CYFIP2: variants seen among roughly 807,000 people sequenced by gnomAD.
CYFIP2 encodes the protein cytoplasmic FMR1-interacting protein 2.
Under a neutral mutation model 158.7 loss-of-function variants are expected in CYFIP2, and 29 were observed. The observed-to-expected ratio is 0.18, with a 90% CI of 0.14 to 0.25. CYFIP2 has a LOEUF of 0.25. CYFIP2 is among the 10% of genes least tolerant of loss of function. The pLI is 1.00. For missense variants in CYFIP2, 852 were observed against 1,639.5 expected (o/e 0.52, Z 8.29); for synonymous variants, 585 against 617.6 (o/e 0.95, Z 0.78).
At chr5:157,288,429 C>G (rs1277336836) in intron 3 of CYFIP2, among the ~76,000 whole-genome samples, 2 of 152,194 alleles carry the variant, frequency 1.3e-5, no homozygotes, top group African/African-American at 4.8e-5. Context: ...TGGTTATCTC[C>G]CGTAACCTTG....
rs764000812 is a variant in CYFIP2 at position 157,341,127 on chromosome 5, C to T, written c.2643C>T (p.Asn881=). ...AACCACAACGAGACAAACCTGCCAA[C>T]GTCCAGCCTTATTACCTCTATGGAT... ...TQEPQRDKPA[N]VQPYYLYGSK... is the part of the protein sequence containing the mutation. Residue 881 remains asparagine (N), a synonymous_variant, in exon 23 of 31, where the codon AAC becomes AAT. Transcript: ENST00000620254. The T allele has an allele frequency of 1.2e-5, 19 of 1,613,988 alleles. No individual in the cohort carries two copies. The highest frequency in any genetic ancestry group is 1.3e-5 in the Non-Finnish European group (15 of 1,179,870).
chr5:157,323,816 G>A, intron 15 of CYFIP2, 105 bp from the exon 16 acceptor site: 1 of 1,269,528 alleles, frequency 7.9e-7, no homozygotes. Flanking sequence ...TTTAAGAGCA[G>A]ACATCTGCAG....
rs1384346014 is a variant in CYFIP2 at position 157,361,745 on chromosome 5, A to C, written c.3039+147A>C. 1 of 1,062,886 alleles carries C rather than the reference A, an allele frequency of 9.4e-7. No homozygotes were observed. The highest frequency in any genetic ancestry group is 1.3e-6 in the Non-Finnish European group (1 of 752,230). 65.8% of individuals were successfully genotyped at this position (1,062,886 alleles called of 1,614,324 possible). The stretch of plus-strand genomic sequence containing the variant: ...TCAGTTCATTTCCAGACAGACATGG[A>C]TTCTAGTCCTGGCTCCCCCATTCAC... On this transcript the variant is annotated intron_variant, in intron 26 of 30. Coordinates refer to ENST00000620254, the MANE Select transcript of CYFIP2 (RefSeq NM_001037333.3). The surrounding 1 kb of genome is among the most constrained non-coding windows in gnomAD (Gnocchi z 4.4).
intron 21 of CYFIP2, among the ~76,000 whole-genome samples, chr5:157,338,580 A>G (rs1378568650): frequency 1.3e-5 from 2 of 152,372 alleles, no homozygotes; most frequent in East Asian, 3.9e-4. Context: ...GACACATATA[A>G]AACTGGCACA....
intron 18 of CYFIP2, among the ~76,000 whole-genome samples, chr5:157,326,675 C>T (rs374525720): frequency 1.4e-4 from 21 of 152,212 alleles, no homozygotes; most frequent in African/African-American, 5.1e-4. Context: ...GAGGCTTGAG[C>T]CGCCTGTAGA....
At position 157,330,827 on chromosome 5, in the gene CYFIP2, C is replaced by G; in HGVS notation, c.2242C>G (p.Leu748Val). 6.2e-7 allele frequency: 1 copy of G among 1,613,952 alleles called. No individual in the cohort carries two copies. Among genetic ancestry groups the G allele is most frequent in the Middle Eastern group, 1.6e-4 (1 of 6,062 alleles). Residue 748 changes from leucine to valine, a missense_variant, in exon 20 of 31, where the codon CTG (leucine) becomes GTG (valine). Around this residue, in one of 8 missense-constraint regions of CYFIP2, gnomAD observed 191 missense variants for 311.2 expected, o/e 0.61. Transcript: ENST00000620254. ...PYPPSNRYET[L>V]LKQRHVQLLG... The stretch of plus-strand genomic sequence containing the variant: ...TCCACCGTCCAATCGCTATGAAACA[C>G]TGCTGAAGCAGAGACACGTCCAGGT...
chr5:157,339,295 T>TG (rs1561743285), intron 22 of CYFIP2, 39 bp downstream of exon 22: 1 of 1,505,262 alleles, frequency 6.6e-7, no homozygotes, highest in Non-Finnish European at 9.2e-7. Flanking sequence ...GGGTGGGGGT[T>TG]GGGGGAGTGG....
rs1183381452 is a variant in CYFIP2, at chr5:157,392,925, G to A, written c.3687G>A (p.Glu1229=). The A allele has an allele frequency of 6.2e-7, 1 of 1,613,986 alleles. No homozygotes were observed. Among genetic ancestry groups the A allele is most frequent in the Non-Finnish European group, 8.5e-7 (1 of 1,179,900 alleles). Residue 1229 remains glutamate (E), a synonymous_variant, in exon 31 of 31, where the codon GAG becomes GAA. Transcript: ENST00000620254. ...TGAACAAATACATGAAGTCCGTGGAGACAGACAGTTCCACTGTGGAGCATG... is the reference window on the plus strand; with the variant it reads ...TGAACAAATACATGAAGTCCGTGGAAACAGACAGTTCCACTGTGGAGCATG... ...AILNKYMKSV[E]TDSSTVEHVR...
At chr5:157,372,533 G>T (rs1413379337) in intron 26 of CYFIP2, among the ~76,000 whole-genome samples, 1 of 152,156 alleles carries the variant, frequency 6.6e-6, no homozygotes, top group Non-Finnish European at 1.5e-5. Context: ...AACCAGACAA[G>T]GTTGTGACAT....
chr5:157,296,612 A>C (rs564759569), intron 4 of CYFIP2, 61 bp from the exon 5 acceptor site: 2 of 1,510,360 alleles, frequency 1.3e-6, no homozygotes, highest in South Asian at 2.3e-5. Flanking sequence ...AACAAAACAA[A>C]AAACAGTAAT....
intron 26 of CYFIP2, 113 bp from the exon 27 acceptor site, chr5:157,382,473 AGAGC>A (rs1449589050): frequency 4.9e-6 from 5 of 1,018,538 alleles, no homozygotes; most frequent in Non-Finnish European, 7.4e-6. Context: ...AGTGAGTAGA[AGAGC>A]CAGGATTTGA....
At chr5:157,371,928 A>G (rs1290981103) in intron 26 of CYFIP2, among the ~76,000 whole-genome samples, 2 of 20,048 alleles carry the variant, frequency 1.0e-4, no homozygotes, top group Non-Finnish European at 2.9e-4. Context: ...GTTATCATAT[A>G]GTGGGAATAA....
intron 26 of CYFIP2, among the ~76,000 whole-genome samples, chr5:157,378,916 ATAACT>A (rs1265786906): frequency 6.6e-6 from 1 of 152,234 alleles, no homozygotes; most frequent in East Asian, 1.9e-4. Flanking sequence ...ATTGCACATT[ATAACT>A]TAATTCCATT....
At chr5:157,390,822 G>C (rs1345157410) in intron 30 of CYFIP2, among the ~76,000 whole-genome samples, 154 bp downstream of exon 30, 1 of 152,154 alleles carries the variant, frequency 6.6e-6, no homozygotes, top group Non-Finnish European at 1.5e-5. Flanking sequence ...CTTAGAGGAA[G>C]TCGTGAGGTC....
intron 28 of CYFIP2, among the ~76,000 whole-genome samples, chr5:157,387,729 G>A (rs1766839633): frequency 6.6e-6 from 1 of 151,218 alleles, no homozygotes; most frequent in South Asian, 2.1e-4. Flanking sequence ...GGCAATCTGA[G>A]CAGTTCCCTC....
At position 157,394,469 on chromosome 5, in the gene CYFIP2, A is replaced by C. The variant is rs1478754146; in HGVS notation, c.*1469A>C. ...CCACAGCAAGAGGTTTGTGTGATGC[A>C]CTTATGTCCTCCGGTGAGGAAAGGG... is the stretch of plus-strand genomic sequence containing the variant. On this transcript the variant is annotated 3_prime_UTR_variant, in exon 31 of 31. Coordinates refer to ENST00000620254, the MANE Select transcript of CYFIP2 (RefSeq NM_001037333.3). The C allele has an allele frequency of 6.6e-6, 1 of 152,190 alleles. No homozygotes were observed. The highest frequency in any genetic ancestry group is 1.5e-5 in the Non-Finnish European group (1 of 68,034). The allele number at this position is 152,190 out of a possible 1,614,324, so 9.4% of individuals were successfully genotyped here.
chr5:157,392,019 G>A (rs972264188), intron 30 of CYFIP2, among the ~76,000 whole-genome samples: 3 of 152,182 alleles, frequency 2.0e-5, no homozygotes, highest in Admixed American at 6.5e-5. Flanking sequence ...GACTGTCACT[G>A]CTGAGTGCTA....
chr5:157,374,688 C>T (rs1765299150), intron 26 of CYFIP2, among the ~76,000 whole-genome samples: 1 of 152,198 alleles, frequency 6.6e-6, no homozygotes, highest in African/African-American at 2.4e-5. Flanking sequence ...GGCAATGTAG[C>T]AAAGCCCAGG....
intron 22 of CYFIP2, 26 bp from the exon 23 acceptor site, chr5:157,341,044 C>T: frequency 1.2e-6 from 2 of 1,605,396 alleles, no homozygotes; most frequent in South Asian, 1.1e-5. Context: ...CATATTAACT[C>T]TTTCCCATCC....
Sources: gnomAD v4.1 joint callset for allele counts (sites outside exome capture counted in the v4.1 genomes callset) on GRCh38, gnomAD v4.1.1 for gene constraint, gnomAD v4.1.1 regional missense constraint, Gnocchi (gnomAD v3.1) non-coding constraint, MANE v1.5 for transcripts, NCBI Gene and HGNC (gene_info 2026-07-23, HGNC 2026-07-21) for gene names.